Variants in RBFOX1 observed in about 807,000 individuals in gnomAD.
RBFOX1 encodes the protein RNA binding protein fox-1 homolog 1.
RBFOX1 carries 8 observed loss-of-function variants against 57.7 expected under a neutral mutation model. The ratio of observed to expected loss-of-function variants is 0.14; its 90% confidence interval spans 0.08 to 0.25. The LOEUF (loss-of-function observed/expected upper bound fraction) is 0.25. Ranked by LOEUF, RBFOX1 falls within the 10% of genes least tolerant of loss-of-function variation. The pLI, the probability that RBFOX1 is intolerant of heterozygous loss-of-function variation, is 1.00. For missense variants in RBFOX1, 611 were observed against 548.5 expected (o/e 1.11, Z -1.14); for synonymous variants, 326 against 222.4 (o/e 1.47, Z -4.15).
chr16:7,310,515 A>G (rs967903514), intron 4 of RBFOX1, among the ~76,000 whole-genome samples: 2 of 152,202 alleles, frequency 1.3e-5, no homozygotes, highest in Admixed American at 6.5e-5. Flanking sequence ...GGTATGTTTT[A>G]TCAAAACTTC....
chr16:6,106,981 C>G (rs561360231), intron 1 of RBFOX1, among the ~76,000 whole-genome samples: 1 of 152,156 alleles, frequency 6.6e-6, no homozygotes, highest in Non-Finnish European at 1.5e-5. Context: ...ACCCCTCCTT[C>G]TTTTAAAAAA....
At chr16:7,369,552 A>G (rs979852568) in intron 4 of RBFOX1, among the ~76,000 whole-genome samples, 1 of 152,126 alleles carries the variant, frequency 6.6e-6, no homozygotes, top group South Asian at 2.1e-4. Flanking sequence ...AAAATGAATC[A>G]TTTACATAAT....
intron 4 of RBFOX1, among the ~76,000 whole-genome samples, chr16:7,351,584 G>A (rs111981956): frequency 2.0e-5 from 3 of 152,294 alleles, no homozygotes; most frequent in African/African-American, 7.2e-5. Flanking sequence ...ATGGTGCGGT[G>A]GATCATGATA....
At chr16:6,106,393 G>T (rs1310006140) in intron 1 of RBFOX1, among the ~76,000 whole-genome samples, 5 of 150,760 alleles carry the variant, frequency 3.3e-5, no homozygotes, top group Non-Finnish European at 5.9e-5. Flanking sequence ...TTGACCCCTG[G>T]AGTGGGAGGT....
chr16:7,656,940 T>G (rs933402233), intron 12 of RBFOX1, among the ~76,000 whole-genome samples: 15 of 152,130 alleles, frequency 9.9e-5, no homozygotes, highest in African/African-American at 3.1e-4. Context: ...TGAAATCTTA[T>G]CCTGTGACCC....
chr16:6,346,568 C>T (rs1427270869), intron 2 of RBFOX1, among the ~76,000 whole-genome samples: 1 of 152,200 alleles, frequency 6.6e-6, no homozygotes, highest in Non-Finnish European at 1.5e-5. Context: ...TAAAGGCTGA[C>T]TGCCTGTGTT....
At chr16:5,953,601 C>T (rs137969763) in intron 4 of RBFOX1, among the ~76,000 whole-genome samples, 1 of 152,080 alleles carries the variant, frequency 6.6e-6, no homozygotes, top group East Asian at 1.9e-4. Flanking sequence ...GTTTGGTCTT[C>T]CATTCCTGAG....
chr16:6,941,838 C>G lies in RBFOX1; in HGVS notation c.-15-110219C>G, dbSNP rs190167717. Among the ~76,000 whole-genome samples the G allele has an allele frequency of 6.0e-4, 92 of 152,098 alleles. 1 individual carries two copies. The South Asian group carries it at 0.01, about 17-fold the overall frequency. On this transcript the variant is annotated intron_variant, in intron 3 of 15. Coordinates refer to ENST00000550418, the MANE Select transcript of RBFOX1 (RefSeq NM_018723.4). ...AAGAATGAGCTGCTTTTTTTTCCCC[C>G]TAACTCTTTCCCATCTGGAGTGCAG...
At chr16:5,317,192 T>C (rs745392383) in intron 1 of RBFOX1, among the ~76,000 whole-genome samples, 1 of 152,132 alleles carries the variant, frequency 6.6e-6, no homozygotes, top group Non-Finnish European at 1.5e-5. Context: ...AATAAATCCT[T>C]TCTTCTCTCT....
intron 9 of RBFOX1, among the ~76,000 whole-genome samples, chr16:7,604,810 G>T (rs2095219821): frequency 6.6e-6 from 1 of 152,144 alleles, no homozygotes; most frequent in Non-Finnish European, 1.5e-5. Context: ...CAGTGAAAAG[G>T]AAAAGGAAGT....
At chr16:7,061,909 A>ATC (rs1455980607) in intron 4 of RBFOX1, among the ~76,000 whole-genome samples, 1 of 152,122 alleles carries the variant, frequency 6.6e-6, no homozygotes, top group Non-Finnish European at 1.5e-5. Flanking sequence ...TAAATAGGGC[A>ATC]TCTCTAGTTC....
At chr16:7,519,164 T>C (rs1248956903) in intron 5 of RBFOX1, among the ~76,000 whole-genome samples, 2 of 152,216 alleles carry the variant, frequency 1.3e-5, no homozygotes, top group East Asian at 3.9e-4. Context: ...TTTCGGAACA[T>C]TTCCATCAGC....
At chr16:6,662,046 C>G (rs1290027186) in intron 3 of RBFOX1, among the ~76,000 whole-genome samples, 1 of 151,516 alleles carries the variant, frequency 6.6e-6, no homozygotes, top group African/African-American at 2.4e-5. Context: ...AAGGCAAATA[C>G]TACATGAGCT....
intron 4 of RBFOX1, among the ~76,000 whole-genome samples, chr16:7,442,737 C>T (rs945708869): frequency 7.9e-5 from 12 of 152,250 alleles, no homozygotes; most frequent in South Asian, 2.1e-4. Context: ...TCAACCGGAA[C>T]GAGAAAGACC....
intron 1 of RBFOX1, among the ~76,000 whole-genome samples, chr16:6,147,509 A>C (rs1314757762): frequency 1.3e-5 from 2 of 152,152 alleles, no homozygotes; most frequent in Non-Finnish European, 2.9e-5. Flanking sequence ...CCACCTCTAC[A>C]CATATGTACC....
chr16:6,860,303 T>G (rs1226009308), intron 3 of RBFOX1, among the ~76,000 whole-genome samples: 2 of 152,232 alleles, frequency 1.3e-5, no homozygotes, highest in Non-Finnish European at 2.9e-5. Flanking sequence ...GACTAAATGT[T>G]CTCAGTTCTG....
At chr16:7,704,632 C>T (rs1250383773) in intron 14 of RBFOX1, among the ~76,000 whole-genome samples, 1 of 152,178 alleles carries the variant, frequency 6.6e-6, no homozygotes, top group African/African-American at 2.4e-5. Context: ...ACTGCCCCAG[C>T]CTCCATGGAG....
intron 4 of RBFOX1, among the ~76,000 whole-genome samples, chr16:7,401,600 G>T (rs1216592087): frequency 6.6e-6 from 1 of 152,206 alleles, no homozygotes; most frequent in East Asian, 1.9e-4. Context: ...TGCTCTGTGT[G>T]ATTCTGGCAA....
intron 4 of RBFOX1, among the ~76,000 whole-genome samples, chr16:5,960,029 C>T (rs140055836): frequency 2.6e-5 from 4 of 152,126 alleles, no homozygotes; most frequent in South Asian, 4.2e-4. Context: ...GGTGAAACCC[C>T]GTCTCTACTA....
Sources: gnomAD v4.1 joint callset for allele counts (sites outside exome capture counted in the v4.1 genomes callset) on GRCh38, gnomAD v4.1.1 for gene constraint, MANE v1.5 for transcripts, NCBI Gene and HGNC (gene_info 2026-07-23, HGNC 2026-07-21) for gene names.